The following CRPPA variants were observed in gnomAD, a reference collection of about 807,000 sequenced individuals.
The protein encoded by CRPPA is D-ribitol-5-phosphate cytidylyltransferase.
CRPPA carries 43 observed loss-of-function variants against 52.0 expected under a neutral mutation model. That is an observed-to-expected ratio of 0.83 (90% CI 0.65 to 1.07). The LOEUF (loss-of-function observed/expected upper bound fraction) is 1.07. Among genes scored for constraint, CRPPA ranks in the 50% least tolerant of loss-of-function variants. The pLI is 0.00. For synonymous variants in CRPPA, 250 were observed against 203.5 expected (o/e 1.23, Z -1.94); for missense variants, 629 against 551.7 (o/e 1.14, Z -1.40).
intron 1 of CRPPA, among the ~76,000 whole-genome samples, chr7:16,412,769 T>G (rs1286408189): frequency 6.6e-6 from 1 of 152,210 alleles, no homozygotes; most frequent in Admixed American, 6.5e-5. Context: ...GCAGCCTAAT[T>G]CTGTCAAGTT....
At chr7:16,318,392 GA>G (rs879544081) in intron 3 of CRPPA, among the ~76,000 whole-genome samples, 3 of 152,058 alleles carry the variant, frequency 2.0e-5, no homozygotes, top group African/African-American at 4.8e-5. Context: ...GGTCAGTTAT[GA>G]AAAAAAGTCC....
At chr7:16,369,823 C>T (rs980630498) in intron 3 of CRPPA, among the ~76,000 whole-genome samples, 2 of 151,988 alleles carry the variant, frequency 1.3e-5, no homozygotes, top group Non-Finnish European at 1.5e-5. Context: ...CAAAAGAATC[C>T]ACAGACCCTT....
chr7:16,275,635 C>G (rs1451265589), intron 6 of CRPPA, among the ~76,000 whole-genome samples: 1 of 151,956 alleles, frequency 6.6e-6, no homozygotes, highest in Admixed American at 6.6e-5. Flanking sequence ...TGAGACCAGC[C>G]TGGGCAACAT....
chr7:16,401,927 C>A (rs1271391768), intron 2 of CRPPA, among the ~76,000 whole-genome samples: 1 of 151,984 alleles, frequency 6.6e-6, no homozygotes, highest in African/African-American at 2.4e-5. Flanking sequence ...TGGACTCAAA[C>A]AATCACCTAA....
At chr7:16,354,951 T>A (rs780089724) in intron 3 of CRPPA, among the ~76,000 whole-genome samples, 7 of 152,134 alleles carry the variant, frequency 4.6e-5, no homozygotes, top group Non-Finnish European at 1.0e-4. Flanking sequence ...GACAATATGC[T>A]ATAAAAATGT....
intron 6 of CRPPA, among the ~76,000 whole-genome samples, chr7:16,272,222 T>TG (rs1458972209): frequency 2.6e-5 from 4 of 152,128 alleles, no homozygotes; most frequent in Non-Finnish European, 4.4e-5. Flanking sequence ...TGCCTGTGAA[T>TG]GGGGGGAGTA....
rs536511121 is a variant in CRPPA, at chr7:16,290,548, G to A, written c.835+10873C>T. Among the ~76,000 whole-genome samples the A allele has an allele frequency of 7.2e-5, 11 of 152,116 alleles. No homozygotes were observed. The East Asian group carries it at 1.7e-3, about 24-fold the overall frequency. On this transcript the variant is annotated intron_variant, in intron 5 of 9. Transcript: ENST00000407010. ...CAAAGGTGCCAGGAATATACATGGG[G>A]AAAAGGACATACCTTTGACAAATGG...
intron 2 of CRPPA, among the ~76,000 whole-genome samples, chr7:16,394,989 C>T (rs1787533811): frequency 6.6e-6 from 1 of 152,138 alleles, no homozygotes; most frequent in Admixed American, 6.6e-5. Context: ...GCAATGAAAC[C>T]TCAATTTTGT....
At chr7:16,168,427 C>G (rs909467326) in intron 9 of CRPPA, among the ~76,000 whole-genome samples, 1 of 151,786 alleles carries the variant, frequency 6.6e-6, no homozygotes, top group African/African-American at 2.4e-5. Flanking sequence ...ATGGATAAAA[C>G]TATTAAATTT....
intron 3 of CRPPA, among the ~76,000 whole-genome samples, chr7:16,370,058 C>T (rs1583554230): frequency 6.6e-6 from 1 of 152,192 alleles, no homozygotes; most frequent in African/African-American, 2.4e-5. Context: ...CCCTTGCAGG[C>T]ACTCCCAGTC....
intron 8 of CRPPA, among the ~76,000 whole-genome samples, chr7:16,254,456 G>A (rs922369627): frequency 1.3e-5 from 2 of 152,012 alleles, no homozygotes; most frequent in African/African-American, 4.8e-5. Flanking sequence ...GATGAAGCTG[G>A]AAACCATCAT....
intron 9 of CRPPA, among the ~76,000 whole-genome samples, chr7:16,128,667 A>G (rs1782625927): frequency 6.6e-6 from 1 of 152,196 alleles, no homozygotes; most frequent in African/African-American, 2.4e-5. Flanking sequence ...CAGTAAAAGA[A>G]TCATCCATAC....
intron 6 of CRPPA, among the ~76,000 whole-genome samples, chr7:16,265,915 C>G (rs1463114707): frequency 6.6e-6 from 1 of 152,174 alleles, no homozygotes. Context: ...GGCTAGCACT[C>G]AGACTCAGGT....
chr7:16,380,002 C>T lies in CRPPA; in HGVS notation c.535-3761G>A, dbSNP rs540170591. The stretch of plus-strand genomic sequence containing the variant: ...TTATTTCCTTCTCCTGCCTAATTGC[C>T]CTGGCCAGAACTTCCAACACTACGT... On this transcript the variant is annotated intron_variant, in intron 2 of 9. Coordinates refer to ENST00000407010, the MANE Select transcript of CRPPA (RefSeq NM_001101426.4). 4.0e-5 allele frequency among the ~76,000 whole-genome samples: 6 copies of T among 151,700 alleles called. No individual in the cohort carries two copies. In the South Asian group the frequency reaches 1.0e-3, roughly 26 times the overall value.
At chr7:16,281,280 T>C (rs1203588707) in intron 5 of CRPPA, among the ~76,000 whole-genome samples, 1 of 149,868 alleles carries the variant, frequency 6.7e-6, no homozygotes, top group Admixed American at 6.8e-5. Context: ...TTTCATCTTT[T>C]GTTAGATTTA....
At chr7:16,340,896 T>A (rs1003744524) in intron 3 of CRPPA, among the ~76,000 whole-genome samples, 2 of 152,068 alleles carry the variant, frequency 1.3e-5, no homozygotes, top group Admixed American at 1.3e-4. Flanking sequence ...CTATGGTACA[T>A]CCAGAGAATG....
intron 9 of CRPPA, among the ~76,000 whole-genome samples, chr7:16,146,872 C>G (rs996870113): frequency 1.4e-4 from 21 of 152,120 alleles, no homozygotes; most frequent in Non-Finnish European, 1.5e-5. Context: ...CAAATCAAGT[C>G]AGAAAACAAT....
intron 2 of CRPPA, among the ~76,000 whole-genome samples, chr7:16,386,032 C>G (rs1264468880): frequency 1.3e-5 from 2 of 152,224 alleles, no homozygotes; most frequent in Admixed American, 1.3e-4. Context: ...GCTCAGTGCC[C>G]TCTTGGTATC....
intron 3 of CRPPA, among the ~76,000 whole-genome samples, chr7:16,342,317 T>C (rs1335928175): frequency 6.6e-6 from 1 of 152,140 alleles, no homozygotes; most frequent in Non-Finnish European, 1.5e-5. Flanking sequence ...TAATTCTCTC[T>C]AATGTGAAAA....
Sources: allele counts gnomAD v4.1 joint callset (sites outside exome capture counted in the v4.1 genomes callset), GRCh38; gene constraint gnomAD v4.1.1; transcripts MANE v1.5; gene names NCBI Gene and HGNC (gene_info 2026-07-23, HGNC 2026-07-21).